The following TTC13 variants were observed in gnomAD, a reference collection of about 807,000 sequenced individuals.
The protein encoded by TTC13 is tetratricopeptide repeat domain 13.
Under a neutral mutation model 120.0 loss-of-function variants are expected in TTC13, and 62 were observed. The observed-to-expected ratio is 0.52, with a 90% CI of 0.42 to 0.64. TTC13 has a LOEUF of 0.64. Among genes scored for constraint, TTC13 ranks in the 30% least tolerant of loss-of-function variants. The pLI is 0.00. For missense variants in TTC13, 824 were observed against 1,050.2 expected, an observed-to-expected ratio of 0.78 and a Z score of 2.98; for synonymous variants, 384 against 393.5, an observed-to-expected ratio of 0.98 and a Z score of 0.28.
In TTC13 at chr1:230,940,676, G is replaced by A. The variant is rs138770929; in HGVS notation, c.673-120C>T. The A allele has an allele frequency of 2.2e-3, 1,521 of 681,006 alleles. 8 individuals are homozygous for A. The highest frequency in any genetic ancestry group is 4.3e-3 in the Middle Eastern group (10 of 2,328). The allele number at this position is 681,006 out of a possible 1,614,324, so 42.2% of individuals were successfully genotyped here. ...ACTCAAAAATTACTCTCAGCAGGCT[G>A]CAATCCTTGACCCCCTATATTATGC... On this transcript the variant is annotated intron_variant, in intron 6 of 22. Coordinates refer to ENST00000366661, the MANE Select transcript of TTC13 (RefSeq NM_024525.5). The surrounding 1 kb of genome is among the most constrained non-coding windows in gnomAD (Gnocchi z 4.1).
At chr1:230,920,471 C>T (rs1672480518) in intron 17 of TTC13, 39 bp downstream of exon 17, 2 of 1,453,940 alleles carry the variant, frequency 1.4e-6, no homozygotes, top group Middle Eastern at 1.7e-4. Context: ...TTTTCTTTTC[C>T]TCTAAAAACA....
chr1:230,971,345 C>CAAAAAAAAAA, intron 1 of TTC13, among the ~76,000 whole-genome samples: 2 of 80,812 alleles, frequency 2.5e-5, no homozygotes, highest in Non-Finnish European at 4.7e-5. Context: ...GACTCCATCT[C>CAAAAAAAAAA]AAAAAAAAAA....
chr1:230,975,643 G>A (rs1375908045), intron 1 of TTC13, among the ~76,000 whole-genome samples: 2 of 151,974 alleles, frequency 1.3e-5, no homozygotes, highest in Non-Finnish European at 2.9e-5. Context: ...ACAAGTTTGT[G>A]GTTATATGCT....
chr1:230,961,440 T>G (rs1676630905), intron 1 of TTC13, 137 bp from the exon 2 acceptor site: 2 of 627,144 alleles, frequency 3.2e-6, no homozygotes, highest in Non-Finnish European at 5.6e-6. Context: ...GGCAACCAGC[T>G]GGGCACAGTG....
intron 22 of TTC13, 25 bp from the exon 23 acceptor site, chr1:230,907,044 C>T (rs764406486): frequency 2.0e-5 from 26 of 1,275,320 alleles, no homozygotes; most frequent in Middle Eastern, 2.0e-4. Flanking sequence ...CACAAAGTAG[C>T]GGCATGAAAA....
chr1:230,910,779 TC>T (rs1671425385), intron 20 of TTC13, among the ~76,000 whole-genome samples: 1 of 152,244 alleles, frequency 6.6e-6, no homozygotes, highest in Non-Finnish European at 1.5e-5. Flanking sequence ...AGTCTTAAAT[TC>T]TATAACCAAA....
At chr1:230,962,271 C>A (rs964709487) in intron 1 of TTC13, among the ~76,000 whole-genome samples, 16 of 151,266 alleles carry the variant, frequency 1.1e-4, no homozygotes, top group African/African-American at 3.9e-4. Flanking sequence ...ATAGCTCTTA[C>A]AACCCAACTA....
At chr1:230,956,530 T>C in intron 3 of TTC13, 1 of 387,364 alleles carries the variant, frequency 2.6e-6, no homozygotes, top group Non-Finnish European at 4.9e-6. Context: ...AATTTTTATT[T>C]CCTATTTATT....
At chr1:230,920,959 G>GT (rs745826545) in intron 16 of TTC13, among the ~76,000 whole-genome samples, 1 of 152,016 alleles carries the variant, frequency 6.6e-6, no homozygotes, top group Non-Finnish European at 1.5e-5. Flanking sequence ...GTTTTGTGTT[G>GT]TTTTTTTCCT....
At position 230,939,366 on chromosome 1, in the gene TTC13, C is replaced by T. The variant is rs1020797975; in HGVS notation, c.900+20G>A. ...AGAAGCAGAGTCATCATATGGTACA[C>T]ATATGCACAACACTTTCACCTTCAG... On this transcript the variant is annotated intron_variant, in intron 8 of 22. Coordinates refer to ENST00000366661, the MANE Select transcript of TTC13 (RefSeq NM_024525.5). 6 of 1,502,026 alleles carry T rather than the reference C, an allele frequency of 4.0e-6. No individual in the cohort carries two copies. The highest frequency in any genetic ancestry group is 5.6e-6 in the Non-Finnish European group (6 of 1,081,028). The allele number at this position is 1,502,026 out of a possible 1,614,324, so 93.0% of individuals were successfully genotyped here.
chr1:230,940,043 A>C lies in TTC13; in HGVS notation c.789+397T>G, dbSNP rs929742675. On this transcript the variant is annotated intron_variant, in intron 7 of 22. Transcript: ENST00000366661. This position sits in a 1 kb window ranked among gnomAD's most constrained non-coding sequence, Gnocchi z 4.1. ...ACAGTCTGGAAAGCCATGCTAGTTC[A>C]GGGTGTGTTTCTTGGGCTGTGAAAC... Among the ~76,000 whole-genome samples the C allele has an allele frequency of 6.6e-6, 1 of 152,200 alleles. No individual in the cohort carries two copies. The highest frequency in any genetic ancestry group is 2.4e-5 in the African/African-American group (1 of 41,460).
chr1:230,933,734 A>T (rs780175856), intron 9 of TTC13, 45 bp downstream of exon 9: 2 of 1,070,548 alleles, frequency 1.9e-6, no homozygotes, highest in Non-Finnish European at 2.8e-6. Context: ...TTGTCTCCCC[A>T]CTCTTCAGCC....
At position 230,923,908 on chromosome 1, in the gene TTC13, G is replaced by C. The variant is rs753594400; in HGVS notation, c.1747C>G (p.Leu583Val). 3 of 1,613,902 alleles carry C rather than the reference G, an allele frequency of 1.9e-6. No homozygotes were observed. The South Asian group carries it at 3.3e-5, about 18-fold the overall frequency. The change falls in exon 15 of 23, where the codon CTG (leucine) becomes GTG (valine). Residue 583 changes from leucine to valine, a missense_variant. By Grantham distance (32) the Leu-to-Val change is conservative. This residue lies in a region of TTC13 where 430 missense variants were observed against 626.8 expected (regional missense o/e 0.69). Transcript: ENST00000366661. ...RRIADPDQPV[L>V]WLDQMPARSL... ...CGTGCTGGCATTTGATCTAACCACA[G>C]CACGGGCTGGTCTGGGTCAGCAATC...
chr1:230,948,716 C>T (rs893405333), intron 4 of TTC13, among the ~76,000 whole-genome samples: 8 of 152,056 alleles, frequency 5.3e-5, no homozygotes, highest in African/African-American at 1.7e-4. Flanking sequence ...TCTCAAGCTC[C>T]TGGGTTCAAG....
chr1:230,909,562 G>A (rs868816681), intron 20 of TTC13, among the ~76,000 whole-genome samples: 4 of 152,208 alleles, frequency 2.6e-5, no homozygotes, highest in Non-Finnish European at 5.9e-5. Flanking sequence ...AACCCGGGAG[G>A]CAGAGGTTGC....
At chr1:230,949,928 C>T (rs1380991005) in intron 4 of TTC13, among the ~76,000 whole-genome samples, 7 of 152,200 alleles carry the variant, frequency 4.6e-5, no homozygotes, top group South Asian at 4.1e-4. Context: ...GGATTACAGG[C>T]CTGAGCCACC....
chr1:230,911,257 A>C (rs945707067), intron 20 of TTC13: 2 of 359,272 alleles, frequency 5.6e-6, no homozygotes, highest in Non-Finnish European at 1.0e-5. Flanking sequence ...TATCCTATTA[A>C]ACGTAAGCAC....
At chr1:230,919,057 C>A (rs1672316981) in intron 17 of TTC13, among the ~76,000 whole-genome samples, 3 of 151,956 alleles carry the variant, frequency 2.0e-5, no homozygotes, top group African/African-American at 7.3e-5. Flanking sequence ...AATTTCTGTC[C>A]CTTTTAGTGT....
At chr1:230,949,201 T>C (rs1321789239) in intron 4 of TTC13, among the ~76,000 whole-genome samples, 1 of 149,174 alleles carries the variant, frequency 6.7e-6, no homozygotes, top group Non-Finnish European at 1.5e-5. Context: ...CAAAGTCAGC[T>C]CTGCTAAGCC....
Sources: allele counts gnomAD v4.1 joint callset (sites outside exome capture counted in the v4.1 genomes callset), GRCh38; gene constraint gnomAD v4.1.1; regional missense constraint gnomAD v4.1.1; non-coding constraint Gnocchi (gnomAD v3.1); transcripts MANE v1.5; gene names NCBI Gene and HGNC (gene_info 2026-07-23, HGNC 2026-07-21).